The following PLEKHH2 variants were observed in gnomAD, a reference collection of about 807,000 sequenced individuals.
The protein encoded by PLEKHH2 is pleckstrin homology, MyTH4 and FERM domain containing H2.
In PLEKHH2, 129 loss-of-function variants were observed where a neutral mutation model predicts 187.9. That is an observed-to-expected ratio of 0.69 (90% CI 0.59 to 0.79). PLEKHH2 has a LOEUF of 0.79. Among genes scored for constraint, PLEKHH2 ranks in the 30% least tolerant of loss-of-function variants. The probability of loss-of-function intolerance (pLI) is 0.00; values close to 1 mark genes in which losing one functional copy is unlikely to be tolerated. For synonymous variants in PLEKHH2, 686 were observed against 605.6 expected (o/e 1.13, Z -1.95); for missense variants, 2,076 against 1,751.2 (o/e 1.19, Z -3.31).
At chr2:43,653,583 G>C (rs1666593307) in intron 2 of PLEKHH2, among the ~76,000 whole-genome samples, 1 of 152,210 alleles carries the variant, frequency 6.6e-6, no homozygotes, top group Non-Finnish European at 1.5e-5. Flanking sequence ...TGGGATATAG[G>C]AAACAAGAGA....
intron 2 of PLEKHH2, among the ~76,000 whole-genome samples, chr2:43,646,782 T>C (rs1027296626): frequency 6.6e-6 from 1 of 151,794 alleles, no homozygotes; most frequent in Non-Finnish European, 1.5e-5. Flanking sequence ...GGAATTGCTG[T>C]TCTAGTTGTG....
At chr2:43,654,706 C>G (rs1201195160) in intron 2 of PLEKHH2, among the ~76,000 whole-genome samples, 3 of 31,884 alleles carry the variant, frequency 9.4e-5, no homozygotes, top group Non-Finnish European at 2.1e-4. Context: ...AGTAAGACAC[C>G]CCCCCCCCCC....
intron 1 of PLEKHH2, among the ~76,000 whole-genome samples, chr2:43,642,187 A>T (rs1168871182): frequency 6.6e-6 from 1 of 152,168 alleles, no homozygotes; most frequent in African/African-American, 2.4e-5. Context: ...CACATTTTGC[A>T]CTTCTTTTGT....
rs2104306680 is a variant in PLEKHH2 at position 43,638,658 on chromosome 2, T to C, written c.-4+1279T>C. 1.3e-5 allele frequency among the ~76,000 whole-genome samples: 2 copies of C among 152,340 alleles called. 1 individual carries two copies. Among genetic ancestry groups the C allele is most frequent in the East Asian group, 3.9e-4 (2 of 5,192 alleles). ...AATCTATATGTGGTATTTTCTTTAT[T>C]TAGCAGTCGGCTATGTTATATAGTT... On this transcript the variant is annotated intron_variant, in intron 1 of 29. Coordinates refer to ENST00000282406, the MANE Select transcript of PLEKHH2 (RefSeq NM_172069.4).
At chr2:43,678,989 C>T in intron 3 of PLEKHH2, 64 bp downstream of exon 3, 6 of 1,132,518 alleles carry the variant, frequency 5.3e-6, no homozygotes, top group Non-Finnish European at 7.9e-6. Flanking sequence ...TTGTTTTGCT[C>T]ATAATGGAAA....
At chr2:43,650,124 T>C (rs1245220595) in intron 2 of PLEKHH2, among the ~76,000 whole-genome samples, 1 of 151,708 alleles carries the variant, frequency 6.6e-6, no homozygotes, top group Non-Finnish European at 1.5e-5. Flanking sequence ...CATAGATCAT[T>C]TCAGGTTTGT....
At chr2:43,671,600 T>G (rs1038214938) in intron 2 of PLEKHH2, among the ~76,000 whole-genome samples, 1 of 152,222 alleles carries the variant, frequency 6.6e-6, no homozygotes, top group Non-Finnish European at 1.5e-5. Context: ...GGTTTTTTTG[T>G]AGATACCTTT....
At chr2:43,677,821 CG>C (rs1667906205) in intron 2 of PLEKHH2, among the ~76,000 whole-genome samples, 1 of 144,746 alleles carries the variant, frequency 6.9e-6, no homozygotes, top group African/African-American at 2.6e-5. Context: ...GCTGGCTGGG[CG>C]GGGGGCTGAC....
chr2:43,668,016 A>C (rs1272807811), intron 2 of PLEKHH2, among the ~76,000 whole-genome samples: 1 of 152,130 alleles, frequency 6.6e-6, no homozygotes, highest in East Asian at 1.9e-4. Flanking sequence ...CAACACTACT[A>C]TTAGCATTCT....
chr2:43,652,066 G>C (rs1370168100), intron 2 of PLEKHH2, among the ~76,000 whole-genome samples: 2 of 152,202 alleles, frequency 1.3e-5, no homozygotes, highest in Admixed American at 6.5e-5. Flanking sequence ...TCTTTAGTGT[G>C]AGAGGGTGGG....
chr2:43,724,667 A>C (rs1367464996), intron 16 of PLEKHH2, among the ~76,000 whole-genome samples: 3 of 152,212 alleles, frequency 2.0e-5, no homozygotes, highest in South Asian at 4.1e-4. Flanking sequence ...TTGGGATGAT[A>C]GTTCGTTTTG....
chr2:43,710,764 G>A (rs779226013), intron 14 of PLEKHH2, 189 bp downstream of exon 14: 71 of 1,359,990 alleles, frequency 5.2e-5, no homozygotes, highest in Non-Finnish European at 6.0e-5. Context: ...TAAGTTAGGT[G>A]TGTGTTGAGT....
intron 14 of PLEKHH2, chr2:43,711,675 AG>A (rs1355297762): frequency 1.5e-6 from 1 of 665,920 alleles, no homozygotes; most frequent in Non-Finnish European, 1.9e-6. Context: ...GCGGATCATG[AG>A]GTCAGGAGAT....
chr2:43,646,010 T>G (rs1308449310), intron 2 of PLEKHH2, among the ~76,000 whole-genome samples: 1 of 152,200 alleles, frequency 6.6e-6, no homozygotes, highest in African/African-American at 2.4e-5. Flanking sequence ...TCATTAAGTC[T>G]AAACTTGCAT....
chr2:43,706,475 T>C, intron 10 of PLEKHH2, 59 bp downstream of exon 10: 1 of 1,232,820 alleles, frequency 8.1e-7, no homozygotes, highest in South Asian at 1.3e-5. Flanking sequence ...ATCAAGGAAA[T>C]TGTTAATTCA....
chr2:43,642,593 G>A (rs1044486063), intron 1 of PLEKHH2, among the ~76,000 whole-genome samples: 3 of 152,130 alleles, frequency 2.0e-5, no homozygotes, highest in Admixed American at 6.5e-5. Context: ...GTTAGCTGTG[G>A]GCTTTAGTAA....
intron 6 of PLEKHH2, among the ~76,000 whole-genome samples, chr2:43,696,140 A>T (rs1669077861): frequency 6.6e-6 from 1 of 151,050 alleles, no homozygotes; most frequent in African/African-American, 2.5e-5. Flanking sequence ...TGGTCTATTT[A>T]AAAAAAACAT....
chr2:43,737,210 A>C (rs1671335564), intron 19 of PLEKHH2, among the ~76,000 whole-genome samples: 2 of 152,220 alleles, frequency 1.3e-5, no homozygotes, highest in South Asian at 4.1e-4. Flanking sequence ...AGCAAAGCTA[A>C]AAAATGTTTA....
chr2:43,638,486 T>A (rs10184887), intron 1 of PLEKHH2, among the ~76,000 whole-genome samples: 1 of 152,170 alleles, frequency 6.6e-6, no homozygotes, highest in Non-Finnish European at 1.5e-5. Flanking sequence ...CACTCCACAA[T>A]TGTAAACAGT....
Sources: gnomAD v4.1 joint callset for allele counts (sites outside exome capture counted in the v4.1 genomes callset) on GRCh38, gnomAD v4.1.1 for gene constraint, MANE v1.5 for transcripts, NCBI Gene and HGNC (gene_info 2026-07-23, HGNC 2026-07-21) for gene names.